Variants in ZNF626 observed in about 807,000 individuals in gnomAD.
ZNF626 encodes CTC-513N18.7.
Under a neutral mutation model 11.7 loss-of-function variants are expected in ZNF626, and 4 were observed. The ratio of observed to expected loss-of-function variants is 0.34; its 90% confidence interval spans 0.17 to 0.78. The LOEUF (loss-of-function observed/expected upper bound fraction) is 0.78. Ranked by LOEUF, ZNF626 falls within the 30% of genes least tolerant of loss-of-function variation. The pLI is 0.57. For missense variants in ZNF626, 588 were observed against 587.1 expected (o/e 1.00, Z -0.01); for synonymous variants, 179 against 198.6 (o/e 0.90, Z 0.83).
chr19:20,636,406 A>G (rs911293857), intron 3 of ZNF626, among the ~76,000 whole-genome samples: 1 of 152,036 alleles, frequency 6.6e-6, no homozygotes, highest in Non-Finnish European at 1.5e-5. Context: ...ACACATAATT[A>G]AATGATGTGA....
chr19:20,627,702 G>A (rs1555769929), intron 3 of ZNF626, among the ~76,000 whole-genome samples: 2 of 151,944 alleles, frequency 1.3e-5, no homozygotes, highest in Non-Finnish European at 2.9e-5. Flanking sequence ...CTTTCTACAG[G>A]AGTCAGTTGA....
Position 20,633,775 on chromosome 19 carries a change from C to A in ZNF626, c.227-8125G>T, listed in dbSNP as rs575448601. 2.0e-5 allele frequency among the ~76,000 whole-genome samples: 3 copies of A among 152,322 alleles called. No individual in the cohort carries two copies. In the South Asian group the frequency reaches 6.2e-4, roughly 32 times the overall value. Reference sequence around the variant, plus strand: ...ATGCCTCGCCCTGCTTTGGCTCGTGCACAGTGCGCTGCACCCACCATCCTG... The same window carrying A: ...ATGCCTCGCCCTGCTTTGGCTCGTGAACAGTGCGCTGCACCCACCATCCTG... On this transcript the variant is annotated intron_variant, in intron 3 of 3. Transcript: ENST00000601440.
intron 3 of ZNF626, chr19:20,644,750 C>T (rs564656498): frequency 6.6e-6 from 1 of 152,186 alleles, no homozygotes; most frequent in Admixed American, 6.6e-5. Context: ...TACATTAAAA[C>T]CTCTCTAAAC....
At chr19:20,635,345 A>C (rs1229846434) in intron 3 of ZNF626, among the ~76,000 whole-genome samples, 1 of 152,182 alleles carries the variant, frequency 6.6e-6, no homozygotes, top group Non-Finnish European at 1.5e-5. Flanking sequence ...TTAGAAATAT[A>C]TACTTGTCAC....
chr19:20,654,360 T>A (rs12981364), intron 1 of ZNF626, among the ~76,000 whole-genome samples: 8 of 147,362 alleles, frequency 5.4e-5, no homozygotes, highest in South Asian at 2.2e-4. Flanking sequence ...GGAGAATTGC[T>A]TGAACCTCGG....
rs1969757161 is a variant in ZNF626, at chr19:20,621,450, T to C, written c.*2840A>G. On this transcript the variant is annotated 3_prime_UTR_variant, in exon 4 of 4. Transcript: ENST00000601440. ...TTCTATTTATATTTCTGTATAATTTTTATTATGACCATAAAAATCACCCTG... is the reference window on the plus strand; with the variant it reads ...TTCTATTTATATTTCTGTATAATTTCTATTATGACCATAAAAATCACCCTG... The C allele has an allele frequency of 6.6e-6, 1 of 152,186 alleles. No individual in the cohort carries two copies. Among genetic ancestry groups the C allele is most frequent in the South Asian group, 2.1e-4 (1 of 4,824 alleles). The allele number at this position is 152,186 out of a possible 1,614,324, so 9.4% of individuals were successfully genotyped here. A position where few individuals can be genotyped will look rare whatever the true frequency, so the allele number is the denominator to read the frequency against.
In ZNF626 at chr19:20,625,284, C is replaced by T. The variant is rs202218510; in HGVS notation, c.593G>A (p.Gly198Glu). Reference protein sequence around the residue: ...LTTHKKIHTGGKPYKCEECGK... With the variant: ...LTTHKKIHTGEKPYKCEECGK... ...ACATTCTTCACATTTGTAGGGTTTC[C>T]CTCCAGTATGAATTTTCTTATGTGT... The change falls in exon 4 of 4, where the codon GGG (glycine) becomes GAG (glutamate). Residue 198 changes from glycine to glutamate, a missense_variant. Physicochemically the swap from Gly to Glu is moderately conservative, Grantham distance 98 (BLOSUM62 -2). Transcript: ENST00000601440. 35 of 1,612,380 alleles carry T rather than the reference C, an allele frequency of 2.2e-5. No homozygotes were observed. The East Asian group carries it at 7.6e-4, about 35-fold the overall frequency.
At chr19:20,658,471 T>G (rs1290650476) in intron 1 of ZNF626, among the ~76,000 whole-genome samples, 2 of 152,154 alleles carry the variant, frequency 1.3e-5, no homozygotes, top group Non-Finnish European at 2.9e-5. Flanking sequence ...GTGGGAATCC[T>G]GTGGTGGCAG....
At chr19:20,633,122 T>C (rs1485337357) in intron 3 of ZNF626, among the ~76,000 whole-genome samples, 47 of 152,300 alleles carry the variant, frequency 3.1e-4, no homozygotes, top group African/African-American at 1.1e-3. Context: ...CCGCAGATAC[T>C]GCTGCCTGAT....
chr19:20,639,235 C>T (rs781941833), intron 3 of ZNF626, among the ~76,000 whole-genome samples: 12 of 152,002 alleles, frequency 7.9e-5, no homozygotes, highest in Non-Finnish European at 1.3e-4. Flanking sequence ...GCCCCTGTGA[C>T]CCAAACATGT....
chr19:20,625,143 G>T lies in ZNF626; in HGVS notation c.734C>A (p.Thr245Asn). 6 of 1,613,050 alleles carry T rather than the reference G, an allele frequency of 3.7e-6. No homozygotes were observed. The highest frequency in any genetic ancestry group is 5.1e-6 in the Non-Finnish European group (6 of 1,179,870). The change falls in exon 4 of 4, where the codon ACT becomes AAT. Residue 245 changes from threonine to asparagine, a missense_variant. This residue lies in a region of ZNF626 where 524 missense variants were observed against 470.1 expected (regional missense o/e 1.11). Transcript: ENST00000601440. ...TCCAGTATGATTTCTCTTATGTGTA[G>T]TAAGAGTGGAGGAGTGCTTAAAGGC... Reference protein sequence around the residue: ...GKAFKHSSTLTTHKRNHTGEK... With the variant: ...GKAFKHSSTLNTHKRNHTGEK...
At chr19:20,638,811 C>T (rs1170460455) in intron 3 of ZNF626, among the ~76,000 whole-genome samples, 1 of 151,842 alleles carries the variant, frequency 6.6e-6, no homozygotes, top group African/African-American at 2.4e-5. Flanking sequence ...TGAAGGAAGA[C>T]ATACATAGCA....
In ZNF626 at chr19:20,623,837, T is replaced by G; in HGVS notation, c.*453A>C. On this transcript the variant is annotated 3_prime_UTR_variant, in exon 4 of 4. Transcript: ENST00000601440. ...AAAAAAGACAGAACTTGTTATATGCTTTGCCACATTCTTCACACTTGTAGG... is the reference window on the plus strand; with the variant it reads ...AAAAAAGACAGAACTTGTTATATGCGTTGCCACATTCTTCACACTTGTAGG... 1 of 298,066 alleles carries G rather than the reference T, an allele frequency of 3.4e-6. No individual in the cohort carries two copies. The highest frequency in any genetic ancestry group is 6.5e-6 in the Non-Finnish European group (1 of 153,126). The allele number at this position is 298,066 out of a possible 1,614,324, so 18.5% of individuals were successfully genotyped here. A position where few individuals can be genotyped will look rare whatever the true frequency, so the allele number is the denominator to read the frequency against.
At chr19:20,649,479 G>A (rs1018519419) in intron 1 of ZNF626, among the ~76,000 whole-genome samples, 1 of 152,078 alleles carries the variant, frequency 6.6e-6, no homozygotes, top group African/African-American at 2.4e-5. Context: ...CCACCCTTTA[G>A]GGCAAAGGTG....
At chr19:20,648,356 C>T (rs1331054367) in intron 1 of ZNF626, among the ~76,000 whole-genome samples, 5 of 136,610 alleles carry the variant, frequency 3.7e-5, no homozygotes, top group African/African-American at 1.5e-4. Flanking sequence ...TTTAAATAAG[C>T]ATTTTCTTCT....
intron 1 of ZNF626, 112 bp downstream of exon 1, chr19:20,661,332 G>C (rs1568463914): frequency 2.2e-6 from 3 of 1,394,306 alleles, no homozygotes; most frequent in Middle Eastern, 1.8e-4. Flanking sequence ...GGAGAACTGG[G>C]GGAGCAGACT....
At chr19:20,656,999 T>C (rs1330801219) in intron 1 of ZNF626, among the ~76,000 whole-genome samples, 1 of 152,234 alleles carries the variant, frequency 6.6e-6, no homozygotes, top group Non-Finnish European at 1.5e-5. Context: ...TTCACATGCA[T>C]GTTCATTGCA....
chr19:20,631,816 T>A (rs1267571397), intron 3 of ZNF626, among the ~76,000 whole-genome samples: 1 of 151,840 alleles, frequency 6.6e-6, no homozygotes, highest in African/African-American at 2.4e-5. Context: ...TATGTGTGAA[T>A]TTGATCCTGT....
intron 3 of ZNF626, among the ~76,000 whole-genome samples, chr19:20,630,357 C>T (rs1213593773): frequency 1.3e-5 from 2 of 152,106 alleles, no homozygotes; most frequent in African/African-American, 4.8e-5. Context: ...AGGAATGGTA[C>T]CAGCTCCTCT....
Sources: gnomAD v4.1 joint callset for allele counts (sites outside exome capture counted in the v4.1 genomes callset) on GRCh38, gnomAD v4.1.1 for gene constraint, gnomAD v4.1.1 regional missense constraint, MANE v1.5 for transcripts, NCBI Gene and HGNC (gene_info 2026-07-23, HGNC 2026-07-21) for gene names.